Variants in CLTCL1 observed in about 807,000 individuals in gnomAD.
CLTCL1 encodes clathrin heavy chain like 1, also known as clathrin heavy chain 2.
In CLTCL1, 159 loss-of-function variants were observed where a neutral mutation model predicts 190.0. The ratio of observed to expected loss-of-function variants is 0.84; its 90% confidence interval spans 0.74 to 0.95. CLTCL1 has a LOEUF of 0.95. CLTCL1 is among the 40% of genes least tolerant of loss of function. CLTCL1 has a pLI of 0.00. For missense variants in CLTCL1, 1,878 were observed against 2,033.4 expected (o/e 0.92, Z 1.47); for synonymous variants, 752 against 769.6 (o/e 0.98, Z 0.38).
intron 24 of CLTCL1, among the ~76,000 whole-genome samples, chr22:19,197,289 C>A (rs1217385250): frequency 6.6e-6 from 1 of 152,096 alleles, no homozygotes; most frequent in Admixed American, 6.5e-5. Flanking sequence ...AAGGAGGACA[C>A]CCTTCTGTGC....
intron 22 of CLTCL1, among the ~76,000 whole-genome samples, chr22:19,203,893 AC>A (rs1569165773): frequency 6.6e-6 from 1 of 151,410 alleles, no homozygotes; most frequent in Non-Finnish European, 1.5e-5. Context: ...GACTGCCCAC[AC>A]CCCCAAGCTT....
In CLTCL1 at chr22:19,225,554, C is replaced by T; in HGVS notation, c.2027G>A (p.Arg676Lys). 6.3e-7 allele frequency: 1 copy of T among 1,588,212 alleles called. No individual in the cohort carries two copies. Among genetic ancestry groups the T allele is most frequent in the African/African-American group, 1.3e-5 (1 of 74,396 alleles). Reference sequence around the variant, plus strand: ...CTGCACACACAGCTGAAGGTTCTGTCTGATGTTAGCAGACAGCATGGCATG... The same window carrying T: ...CTGCACACACAGCTGAAGGTTCTGTTTGATGTTAGCAGACAGCATGGCATG... ...CLHAMLSANI[R>K]QNLQLCVQVA... Residue 676 changes from arginine to lysine, a missense_variant, in exon 13 of 33, where the codon AGA becomes AAA. Coordinates refer to ENST00000427926, the MANE Select transcript of CLTCL1 (RefSeq NM_007098.4).
intron 22 of CLTCL1, among the ~76,000 whole-genome samples, chr22:19,203,653 A>C (rs1019847824): frequency 1.3e-5 from 2 of 151,232 alleles, no homozygotes; most frequent in Admixed American, 6.6e-5. Context: ...ATCCCCCCCC[A>C]GCCCCACACC....
At chr22:19,228,890 C>T (rs1555957485) in intron 11 of CLTCL1, among the ~76,000 whole-genome samples, 1 of 152,148 alleles carries the variant, frequency 6.6e-6, no homozygotes, top group Non-Finnish European at 1.5e-5. Context: ...CCACTGCACG[C>T]CCATTAAGAT....
At position 19,246,857 on chromosome 22, in the gene CLTCL1, T is replaced by C. The variant is rs9605964; in HGVS notation, c.520-3921A>G. Among the ~76,000 whole-genome samples, 1,313 of 152,292 alleles carry C rather than the reference T, an allele frequency of 8.6e-3. 10 individuals carry two copies. Among genetic ancestry groups the C allele is most frequent in the Non-Finnish European group, 0.013 (897 of 68,026 alleles). On this transcript the variant is annotated intron_variant, in intron 3 of 32. Transcript: ENST00000427926. ...GCCCACTTTTTAACTGGGTTGACTTTTTGTTGTTGAGTTGTAAGTGTTCTT... is the reference window on the plus strand; with the variant it reads ...GCCCACTTTTTAACTGGGTTGACTTCTTGTTGTTGAGTTGTAAGTGTTCTT...
In CLTCL1 at chr22:19,180,329, C is replaced by T. The variant is rs868988937; in HGVS notation, c.4904-91G>A. 6.6e-6 allele frequency: 9 copies of T among 1,363,408 alleles called. No homozygotes were observed. The Middle Eastern group carries it at 1.3e-3, about 192-fold the overall frequency. 84.5% of individuals were successfully genotyped at this position (1,363,408 alleles called of 1,614,324 possible). A position where few individuals can be genotyped will look rare whatever the true frequency, so the allele number is the denominator to read the frequency against. ...GCGTGCTGCACACTCACACCACACC[C>T]TCAGGCCTGTGTTTGCCCCACAGTG... On this transcript the variant is annotated intron_variant, in intron 31 of 32. Transcript: ENST00000427926.
chr22:19,228,858 G>A (rs1569198699), intron 11 of CLTCL1, among the ~76,000 whole-genome samples: 2 of 152,182 alleles, frequency 1.3e-5, no homozygotes. Context: ...GCCAACAAAT[G>A]ATGCCTCACC....
intron 19 of CLTCL1, among the ~76,000 whole-genome samples, chr22:19,214,793 G>A (rs1169080933): frequency 2.0e-5 from 3 of 150,068 alleles, no homozygotes; most frequent in Non-Finnish European, 3.0e-5. Context: ...CGATTCTCCC[G>A]CCTCAGCCTC....
chr22:19,247,403 G>T (rs187970156), intron 3 of CLTCL1, among the ~76,000 whole-genome samples: 1 of 152,188 alleles, frequency 6.6e-6, no homozygotes, highest in Admixed American at 6.5e-5. Context: ...AAATGCATGG[G>T]ATTTTTTTAT....
At chr22:19,255,876 CT>C (rs1472167044) in intron 2 of CLTCL1, among the ~76,000 whole-genome samples, 3 of 148,966 alleles carry the variant, frequency 2.0e-5, no homozygotes, top group African/African-American at 7.5e-5. Flanking sequence ...TGCCACTGCA[CT>C]CTAGCCTGAC....
At chr22:19,263,694 T>C (rs1386477640) in intron 2 of CLTCL1, among the ~76,000 whole-genome samples, 5 of 152,174 alleles carry the variant, frequency 3.3e-5, no homozygotes, top group African/African-American at 1.2e-4. Context: ...GCTGGGATTA[T>C]AGGCGTGAGC....
intron 2 of CLTCL1, among the ~76,000 whole-genome samples, chr22:19,256,354 CTTTTT>C (rs1239133099): frequency 9.6e-6 from 1 of 104,340 alleles, no homozygotes; most frequent in Non-Finnish European, 1.9e-5. Context: ...TTTCTTTTAT[CTTTTT>C]TTTTTTTTTT....
chr22:19,281,963 TA>T (rs1474782035), intron 1 of CLTCL1, among the ~76,000 whole-genome samples: 7 of 152,252 alleles, frequency 4.6e-5, no homozygotes, highest in African/African-American at 1.4e-4. Flanking sequence ...AAAAATAAGA[TA>T]AAGACTATTA....
At chr22:19,186,687 G>A (rs146079462) in intron 29 of CLTCL1, among the ~76,000 whole-genome samples, 1,948 of 151,828 alleles carry the variant, frequency 0.013, 23 homozygotes, top group Middle Eastern at 0.028. Flanking sequence ...TGCAACCTCC[G>A]CCTCCTGGGT....
At chr22:19,183,315 C>G (rs781818684) in intron 30 of CLTCL1, 75 bp downstream of exon 30, 2 of 1,358,828 alleles carry the variant, frequency 1.5e-6, no homozygotes, top group Non-Finnish European at 2.1e-6. Context: ...CCCTTAAGAC[C>G]TGCGGCCAGA....
intron 2 of CLTCL1, among the ~76,000 whole-genome samples, chr22:19,263,701 G>A (rs1409605768): frequency 6.6e-6 from 1 of 152,162 alleles, no homozygotes; most frequent in African/African-American, 2.4e-5. Flanking sequence ...TTATAGGCGT[G>A]AGCCACTGCA....
In CLTCL1 at chr22:19,216,118, CG is replaced by C; in HGVS notation, c.3057del (p.Ser1019ArgfsTer10). On this transcript the variant is annotated frameshift_variant, in exon 19 of 33. Transcript: ENST00000427926. LOFTEE classifies it high-confidence loss of function. ...CCCCTGGCATAGCCTCACCTGTGCTCGCTGAAGACAGAGTTATCCAGAACTA... is the reference window on the plus strand; with the variant it reads ...CCCCTGGCATAGCCTCACCTGTGCTCCTGAAGACAGAGTTATCCAGAACTA... ...EKIVLDNSVF[S>X]EHRNLQNLLI... The C allele has an allele frequency of 6.2e-7, 1 of 1,613,542 alleles. No individual in the cohort carries two copies. The highest frequency in any genetic ancestry group is 8.5e-7 in the Non-Finnish European group (1 of 1,179,640).
At chr22:19,278,413 C>A (rs1352921576) in intron 1 of CLTCL1, among the ~76,000 whole-genome samples, 6 of 152,038 alleles carry the variant, frequency 3.9e-5, no homozygotes, top group Non-Finnish European at 8.8e-5. Flanking sequence ...AAGCCCAGGG[C>A]ACAGAGCCCC....
intron 18 of CLTCL1, among the ~76,000 whole-genome samples, chr22:19,218,802 C>T (rs1357032540): frequency 6.6e-6 from 1 of 152,210 alleles, no homozygotes; most frequent in East Asian, 1.9e-4. Context: ...GAGGCCGAGG[C>T]AGACTCCCAC....
Sources: gnomAD v4.1 joint callset for allele counts (sites outside exome capture counted in the v4.1 genomes callset) on GRCh38, gnomAD v4.1.1 for gene constraint, MANE v1.5 for transcripts, NCBI Gene and HGNC (gene_info 2026-07-23, HGNC 2026-07-21) for gene names.